Variants in FBXO22 observed in about 807,000 individuals in gnomAD.
The protein encoded by FBXO22 is F-box only protein 22.
Under a neutral mutation model 37.2 loss-of-function variants are expected in FBXO22, and 13 were observed. The ratio of observed to expected loss-of-function variants is 0.35; its 90% confidence interval spans 0.23 to 0.56. The LOEUF is 0.56. Among genes scored for constraint, FBXO22 ranks in the 20% least tolerant of loss-of-function variants. The pLI is 0.87. For synonymous variants in FBXO22, 189 were observed against 189.1 expected, an observed-to-expected ratio of 1.00 and a Z score of 0.00; for missense variants, 446 against 509.9, an observed-to-expected ratio of 0.87 and a Z score of 1.21.
In FBXO22 at chr15:75,941,967, CCTAG is replaced by C. The variant is rs1423435734; in HGVS notation, c.*8868_*8871del. The stretch of plus-strand genomic sequence containing the variant: ...AAAAAAAAAAAAAAAAAAAATATGG[CCTAG>C]CTTTTTTTTTTTTTTTTAAAAAGGG... On this transcript the variant is annotated 3_prime_UTR_variant, in exon 7 of 7. Coordinates refer to ENST00000308275, the MANE Select transcript of FBXO22 (RefSeq NM_147188.3). 1 of 108,852 alleles carries C rather than the reference CCTAG, an allele frequency of 9.2e-6. No homozygotes were observed. The highest frequency in any genetic ancestry group is 1.9e-5 in the Non-Finnish European group (1 of 51,580). The allele number at this position is 108,852 out of a possible 1,614,324, so 6.7% of individuals were successfully genotyped here.
At chr15:75,921,642 C>A (rs199545616) in intron 5 of FBXO22, among the ~76,000 whole-genome samples, 1 of 3,694 alleles carries the variant, frequency 2.7e-4, no homozygotes, top group South Asian at 0.25. Flanking sequence ...GCCTGGGCGA[C>A]AGCGAGACTC....
At chr15:75,909,842 G>A (rs902895576) in intron 2 of FBXO22, among the ~76,000 whole-genome samples, 4 of 149,988 alleles carry the variant, frequency 2.7e-5, no homozygotes, top group South Asian at 4.2e-4. Flanking sequence ...AGGTATACAC[G>A]TGCCATGGTG....
intron 2 of FBXO22, among the ~76,000 whole-genome samples, chr15:75,910,795 T>C (rs1187461454): frequency 6.6e-6 from 1 of 152,256 alleles, no homozygotes; most frequent in Non-Finnish European, 1.5e-5. Context: ...ATTTTGGCTT[T>C]TGTTGCCATT....
In FBXO22 at chr15:75,913,169, G is replaced by T. The variant is rs1256631752; in HGVS notation, c.280-34G>T. On this transcript the variant is annotated intron_variant, in intron 2 of 6. Coordinates refer to ENST00000308275, the MANE Select transcript of FBXO22 (RefSeq NM_147188.3). ...ATGCAGAAGCACTGATGGATTCATG[G>T]GATCCAATTCCAATTTTTTTTTTTT... 3 of 1,444,368 alleles carry T rather than the reference G, an allele frequency of 2.1e-6. No individual in the cohort carries two copies. In the African/African-American group the frequency reaches 4.2e-5, roughly 20 times the overall value. 89.5% of individuals were successfully genotyped at this position (1,444,368 alleles called of 1,614,324 possible).
rs1289350422 is a variant in FBXO22 at position 75,938,742 on chromosome 15, A to C, written c.*5640A>C. The stretch of plus-strand genomic sequence containing the variant: ...CAAATCAAGCCTACATAGTTTTAAA[A>C]GATACATATCACACACAAAGAAGTG... On this transcript the variant is annotated 3_prime_UTR_variant, in exon 7 of 7. Transcript: ENST00000308275. The C allele has an allele frequency of 6.6e-6, 1 of 152,230 alleles. No individual in the cohort carries two copies. Among genetic ancestry groups the C allele is most frequent in the Non-Finnish European group, 1.5e-5 (1 of 68,042 alleles). The allele number at this position is 152,230 out of a possible 1,614,324, so 9.4% of individuals were successfully genotyped here.
In FBXO22 at chr15:75,933,137, G is replaced by T. The variant is rs971409793; in HGVS notation, c.*35G>T. The T allele has an allele frequency of 6.5e-7, 1 of 1,533,694 alleles. No homozygotes were observed. The highest frequency in any genetic ancestry group is 1.4e-5 in the African/African-American group (1 of 71,848). ...TGGCTTTCATAATATGTAACTTTTG[G>T]GTTCTGCCTTTTTCAGAAAATGGAA... On this transcript the variant is annotated 3_prime_UTR_variant, in exon 7 of 7. Transcript: ENST00000308275.
chr15:75,910,532 C>T (rs946725199), intron 2 of FBXO22: 1 of 152,138 alleles, frequency 6.6e-6, no homozygotes, highest in Non-Finnish European at 1.5e-5. Flanking sequence ...TGATGAGCTT[C>T]TTTTCGTATG....
intron 2 of FBXO22, among the ~76,000 whole-genome samples, chr15:75,911,856 A>G (rs1567052060): frequency 6.7e-6 from 1 of 149,206 alleles, no homozygotes; most frequent in African/African-American, 2.5e-5. Context: ...TTCAAAGAGA[A>G]TGCTTCCAGC....
Position 75,936,445 on chromosome 15 carries a change from A to C in FBXO22, c.*3343A>C, listed in dbSNP as rs900840231. ...GGGAAGAATAATCAAATATTTGCAA[A>C]ATATGTTATTTTTGTTTTATATATT... On this transcript the variant is annotated 3_prime_UTR_variant, in exon 7 of 7. Coordinates refer to ENST00000308275, the MANE Select transcript of FBXO22 (RefSeq NM_147188.3). 2.0e-5 allele frequency: 3 copies of C among 152,194 alleles called. No individual in the cohort carries two copies. Among genetic ancestry groups the C allele is most frequent in the Non-Finnish European group, 2.9e-5 (2 of 68,038 alleles). 9.4% of individuals were successfully genotyped at this position (152,194 alleles called of 1,614,324 possible). A position where few individuals can be genotyped will look rare whatever the true frequency, so the allele number is the denominator to read the frequency against.
At chr15:75,904,283 C>T in intron 1 of FBXO22, 180 bp downstream of exon 1, 1 of 1,119,810 alleles carries the variant, frequency 8.9e-7, no homozygotes. Flanking sequence ...CCCGGGGGGA[C>T]TTCCCTGAGG....
At chr15:75,917,426 A>G (rs932057897) in intron 5 of FBXO22, 32 bp downstream of exon 5, 2 of 1,451,324 alleles carry the variant, frequency 1.4e-6, no homozygotes, top group African/African-American at 1.4e-5. Context: ...TTAACTGCTC[A>G]TTTTATTGAT....
chr15:75,924,103 G>A (rs778693759), intron 5 of FBXO22, among the ~76,000 whole-genome samples: 27 of 152,198 alleles, frequency 1.8e-4, no homozygotes, highest in Non-Finnish European at 1.3e-4. Flanking sequence ...ATTGATTATA[G>A]ACAGTTGGAT....
chr15:75,911,377 C>T (rs335703), intron 2 of FBXO22, among the ~76,000 whole-genome samples: 149,709 of 152,314 alleles, frequency 0.98, 73,624 homozygotes, highest in East Asian at 1. Context: ...TTCACGATAT[C>T]GATTCTTCCT....
intron 2 of FBXO22, among the ~76,000 whole-genome samples, chr15:75,909,405 G>A (rs1313869978): frequency 6.6e-6 from 1 of 152,126 alleles, no homozygotes; most frequent in Non-Finnish European, 1.5e-5. Context: ...TAAGCTAAGG[G>A]GCCCTGAAGG....
rs1464065016 is a variant in FBXO22 at position 75,914,625 on chromosome 15, C to T, written c.463+420C>T. Among the ~76,000 whole-genome samples, 6 of 152,308 alleles carry T rather than the reference C, an allele frequency of 3.9e-5. No individual in the cohort carries two copies. The East Asian group carries it at 1.2e-3, about 29-fold the overall frequency. On this transcript the variant is annotated intron_variant, in intron 4 of 6. Transcript: ENST00000308275. ...TGGTACCACTCTTCAATGTTTACAG[C>T]ATGAGGTTGTGCCCCTTTCCATGCT...
chr15:75,907,755 AATATC>A (rs111790547), intron 2 of FBXO22, among the ~76,000 whole-genome samples: 2,414 of 151,864 alleles, frequency 0.016, 59 homozygotes, highest in African/African-American at 0.054. Context: ...AATATTTAAA[AATATC>A]AAATATATAA....
chr15:75,908,271 T>G (rs957597596), intron 2 of FBXO22, among the ~76,000 whole-genome samples: 11 of 151,754 alleles, frequency 7.2e-5, no homozygotes, highest in African/African-American at 2.4e-4. Context: ...TTTTTTGTTT[T>G]GTTTGGTTTT....
intron 2 of FBXO22, among the ~76,000 whole-genome samples, chr15:75,905,399 G>C (rs1166165476): frequency 4.6e-5 from 7 of 152,236 alleles, no homozygotes; most frequent in African/African-American, 1.7e-4. Context: ...TGTGGAGTCA[G>C]AGGGGCTGCA....
Position 75,941,297 on chromosome 15 carries a change from A to T in FBXO22, c.*8195A>T, listed in dbSNP as rs916071829. On this transcript the variant is annotated 3_prime_UTR_variant, in exon 7 of 7. Coordinates refer to ENST00000308275, the MANE Select transcript of FBXO22 (RefSeq NM_147188.3). ...AAAAAACACACAAGTGTTGGCAAGG[A>T]TGTGGAGAAATTGGAACTCTTATTA... 5 of 152,172 alleles carry T rather than the reference A, an allele frequency of 3.3e-5. No homozygotes were observed. Among genetic ancestry groups the T allele is most frequent in the Non-Finnish European group, 7.4e-5 (5 of 68,006 alleles). The allele number at this position is 152,172 out of a possible 1,614,324, so 9.4% of individuals were successfully genotyped here. A position where few individuals can be genotyped will look rare whatever the true frequency, so the allele number is the denominator to read the frequency against.
Sources: allele counts gnomAD v4.1 joint callset (sites outside exome capture counted in the v4.1 genomes callset), GRCh38; gene constraint gnomAD v4.1.1; transcripts MANE v1.5; gene names NCBI Gene and HGNC (gene_info 2026-07-23, HGNC 2026-07-21).